Variants in UNC13B observed in about 807,000 individuals in gnomAD.
UNC13B encodes the protein protein unc-13 homolog B.
UNC13B carries 144 observed loss-of-function variants against 211.0 expected under a neutral mutation model. That is an observed-to-expected ratio of 0.68 (90% CI 0.60 to 0.78). The LOEUF is 0.78. Ranked by LOEUF, UNC13B falls within the 30% of genes least tolerant of loss-of-function variation. UNC13B has a pLI of 0.00. For synonymous variants in UNC13B, 709 were observed against 725.8 expected, an observed-to-expected ratio of 0.98 and a Z score of 0.37; for missense variants, 1,777 against 2,002.0, an observed-to-expected ratio of 0.89 and a Z score of 2.14.
chr9:35,374,581 G>T (rs1279306384), intron 13 of UNC13B, among the ~76,000 whole-genome samples: 2 of 152,218 alleles, frequency 1.3e-5, no homozygotes, highest in South Asian at 2.1e-4. Context: ...TGCTTGATTT[G>T]ACTGAGGCTT....
At chr9:35,360,639 T>G (rs1833348103) in intron 11 of UNC13B, 1 of 152,212 alleles carries the variant, frequency 6.6e-6, no homozygotes, top group Non-Finnish European at 1.5e-5. Context: ...TAGGTTCTTT[T>G]AAAATTTTTT....
chr9:35,249,621 G>T (rs1826336095), intron 6 of UNC13B, among the ~76,000 whole-genome samples: 1 of 152,122 alleles, frequency 6.6e-6, no homozygotes, highest in South Asian at 2.1e-4. Flanking sequence ...ATGAAGCTTA[G>T]TTTGGCTGGA....
chr9:35,256,985 A>G (rs547538475), intron 6 of UNC13B, among the ~76,000 whole-genome samples: 3 of 152,294 alleles, frequency 2.0e-5, no homozygotes, highest in African/African-American at 4.8e-5. Context: ...TTCATTAAAT[A>G]TAGCTTCTGA....
At chr9:35,226,348 G>A (rs1294584476) in intron 1 of UNC13B, among the ~76,000 whole-genome samples, 1 of 152,128 alleles carries the variant, frequency 6.6e-6, no homozygotes, top group Non-Finnish European at 1.5e-5. Context: ...GGACAGAACT[G>A]ATAGGGTGTG....
intron 11 of UNC13B, chr9:35,353,374 TGA>T (rs1194990766): frequency 2.4e-6 from 3 of 1,231,824 alleles, no homozygotes; most frequent in Non-Finnish European, 3.0e-6. Context: ...TGGAAAGCAA[TGA>T]GAGTGGTTCC....
chr9:35,236,358 C>A (rs1379052376), intron 3 of UNC13B, 111 bp from the exon 4 acceptor site: 12 of 890,690 alleles, frequency 1.3e-5, no homozygotes, highest in Non-Finnish European at 2.1e-5. Flanking sequence ...TTGATTTTTC[C>A]TGAAGACAGG....
intron 11 of UNC13B, among the ~76,000 whole-genome samples, chr9:35,318,378 T>A (rs1184895152): frequency 1.3e-5 from 2 of 152,102 alleles, no homozygotes; most frequent in African/African-American, 2.4e-5. Context: ...ACACCAAGGA[T>A]TTTTTTGCCC....
intron 6 of UNC13B, among the ~76,000 whole-genome samples, chr9:35,246,389 T>C (rs965985314): frequency 2.2e-4 from 33 of 152,204 alleles, no homozygotes; most frequent in African/African-American, 5.5e-4. Flanking sequence ...CTTTTGTTGC[T>C]ATTGCTTTTG....
chr9:35,282,783 C>CT (rs1234301882), intron 7 of UNC13B, among the ~76,000 whole-genome samples: 1 of 151,822 alleles, frequency 6.6e-6, no homozygotes, highest in African/African-American at 2.4e-5. Flanking sequence ...CCGTCTCTTG[C>CT]TTTTTTTTCC....
chr9:35,200,894 G>T (rs1408674015), intron 1 of UNC13B, among the ~76,000 whole-genome samples: 1 of 152,174 alleles, frequency 6.6e-6, no homozygotes, highest in African/African-American at 2.4e-5. Context: ...TGGTGAGAGA[G>T]GGCATCCCTG....
At chr9:35,229,698 A>G (rs1251769065) in intron 2 of UNC13B, among the ~76,000 whole-genome samples, 3 of 152,024 alleles carry the variant, frequency 2.0e-5, no homozygotes, top group African/African-American at 7.2e-5. Context: ...CACTACTACT[A>G]CTACTGGATA....
intron 1 of UNC13B, among the ~76,000 whole-genome samples, chr9:35,212,153 G>A (rs1468611420): frequency 6.6e-6 from 1 of 152,220 alleles, no homozygotes; most frequent in Non-Finnish European, 1.5e-5. Flanking sequence ...CTTCACTTTT[G>A]CATGAAGTTA....
intron 3 of UNC13B, among the ~76,000 whole-genome samples, chr9:35,232,176 G>GTTTTTTTTTTT (rs1564081816): frequency 1.8e-4 from 3 of 16,978 alleles, no homozygotes; most frequent in African/African-American, 4.5e-4. Flanking sequence ...GTATATTGCT[G>GTTTTTTTTTTT]CTTTTTTTTT....
intron 11 of UNC13B, among the ~76,000 whole-genome samples, chr9:35,350,188 T>C (rs908058852): frequency 3.3e-5 from 5 of 152,312 alleles, no homozygotes; most frequent in African/African-American, 1.2e-4. Context: ...AAAAAGGGAA[T>C]GTATTCTCAC....
intron 6 of UNC13B, among the ~76,000 whole-genome samples, chr9:35,256,224 CT>C (rs1180492468): frequency 1.3e-5 from 2 of 152,130 alleles, no homozygotes; most frequent in African/African-American, 4.8e-5. Flanking sequence ...TACCTTGAGT[CT>C]TTTTTGTTAT....
intron 12 of UNC13B, among the ~76,000 whole-genome samples, chr9:35,369,415 G>T (rs995912452): frequency 1.3e-5 from 2 of 152,158 alleles, no homozygotes; most frequent in Non-Finnish European, 2.9e-5. Context: ...AAGGAATTTT[G>T]GGAGAAGACA....
intron 6 of UNC13B, among the ~76,000 whole-genome samples, chr9:35,246,062 AT>A (rs1285784012): frequency 6.6e-6 from 1 of 152,096 alleles, no homozygotes; most frequent in African/African-American, 2.4e-5. Context: ...GTGAGATGGT[AT>A]GTCATTGTGG....
intron 1 of UNC13B, among the ~76,000 whole-genome samples, chr9:35,183,804 CG>C (rs1822152199): frequency 1.7e-5 from 2 of 119,944 alleles, no homozygotes; most frequent in South Asian, 2.8e-4. Context: ...ACATCCCAGA[CG>C]ATGGGCGGCC....
At chr9:35,208,182 C>T (rs951423474) in intron 1 of UNC13B, among the ~76,000 whole-genome samples, 1 of 152,190 alleles carries the variant, frequency 6.6e-6, no homozygotes, top group Non-Finnish European at 1.5e-5. Flanking sequence ...TACCTGCCAT[C>T]CCTGCTGTTT....
Sources: gnomAD v4.1 joint callset for allele counts (sites outside exome capture counted in the v4.1 genomes callset) on GRCh38, gnomAD v4.1.1 for gene constraint, MANE v1.5 for transcripts, NCBI Gene and HGNC (gene_info 2026-07-23, HGNC 2026-07-21) for gene names.